Variants in EPS15 observed in about 807,000 individuals in gnomAD.
EPS15 encodes the protein epidermal growth factor receptor pathway substrate 15.
A neutral mutation model predicts 113.8 loss-of-function variants in EPS15; 72 were observed. That is an observed-to-expected ratio of 0.63 (90% CI 0.52 to 0.77). EPS15 has a LOEUF of 0.77. Among genes scored for constraint, EPS15 ranks in the 30% least tolerant of loss-of-function variants. The probability of loss-of-function intolerance (pLI) is 0.00; values close to 1 mark genes in which losing one functional copy is unlikely to be tolerated. For synonymous variants in EPS15, 344 were observed against 363.4 expected, an observed-to-expected ratio of 0.95 and a Z score of 0.61; for missense variants, 1,048 against 1,045.8, an observed-to-expected ratio of 1.00 and a Z score of -0.03.
intron 1 of EPS15, among the ~76,000 whole-genome samples, chr1:51,487,852 C>T (rs142995448): frequency 1.3e-5 from 2 of 152,236 alleles, no homozygotes; most frequent in African/African-American, 4.8e-5. Context: ...AGTCACTCAT[C>T]AAGCAAGATG....
At chr1:51,385,129 C>T (rs6694227) in intron 21 of EPS15, among the ~76,000 whole-genome samples, 4,577 of 152,136 alleles carry the variant, frequency 0.03, 74 homozygotes, top group African/African-American at 0.05. Context: ...ACGGACAGTA[C>T]TAACAGAATG....
chr1:51,398,918 T>C, intron 20 of EPS15, 114 bp downstream of exon 20: 3 of 890,538 alleles, frequency 3.4e-6, no homozygotes, highest in Non-Finnish European at 5.0e-6. Context: ...AATTCTTATA[T>C]GGTCCATTAG....
rs147830031 is a variant in EPS15 at position 51,449,513 on chromosome 1, A to G, written c.562-1378T>C. ...AATGACAAAATAATCTGCACACCAA[A>G]CCCCGTGACATGCAATTTACCTATA... On this transcript the variant is annotated intron_variant, in intron 8 of 24. Transcript: ENST00000371733. Among the ~76,000 whole-genome samples the G allele has an allele frequency of 7.2e-3, 1,069 of 149,332 alleles. 29 individuals are homozygous for G. The highest frequency in any genetic ancestry group is 0.026 in the African/African-American group (1,026 of 38,836).
chr1:51,518,736 G>C (rs923813339), intron 1 of EPS15, among the ~76,000 whole-genome samples: 1 of 152,058 alleles, frequency 6.6e-6, no homozygotes, highest in Non-Finnish European at 1.5e-5. Flanking sequence ...AACTCCTACT[G>C]GGGGCGGCGC....
chr1:51,363,639 G>C (rs1570082701), intron 23 of EPS15, among the ~76,000 whole-genome samples: 1 of 152,156 alleles, frequency 6.6e-6, no homozygotes, highest in East Asian at 1.9e-4. Flanking sequence ...AAAAAGAAAA[G>C]AAAAAAGGTC....
At chr1:51,387,280 G>C (rs1312068204) in intron 21 of EPS15, among the ~76,000 whole-genome samples, 3 of 151,960 alleles carry the variant, frequency 2.0e-5, no homozygotes, top group African/African-American at 7.3e-5. Context: ...GAGAGATTTT[G>C]TCACCACCAG....
At chr1:51,430,616 TAA>T (rs2148461654) in intron 12 of EPS15, among the ~76,000 whole-genome samples, 1 of 151,818 alleles carries the variant, frequency 6.6e-6, no homozygotes, top group Non-Finnish European at 1.5e-5. Context: ...AAGCTTAGGT[TAA>T]AGTTTGAGAA....
intron 1 of EPS15, among the ~76,000 whole-genome samples, chr1:51,484,565 C>A (rs1396472206): frequency 3.3e-5 from 5 of 152,100 alleles, no homozygotes; most frequent in Non-Finnish European, 7.4e-5. Flanking sequence ...AGTGCTTTCA[C>A]CACATAAACA....
At chr1:51,438,516 G>A (rs747828963) in intron 12 of EPS15, among the ~76,000 whole-genome samples, 3 of 152,082 alleles carry the variant, frequency 2.0e-5, no homozygotes, top group Non-Finnish European at 4.4e-5. Context: ...CATTAAACAA[G>A]TACACTTGAA....
intron 11 of EPS15, among the ~76,000 whole-genome samples, chr1:51,444,315 C>T (rs1652837909): frequency 6.6e-6 from 1 of 152,188 alleles, no homozygotes; most frequent in South Asian, 2.1e-4. Context: ...AAAATTCTCA[C>T]TGCTGTCCAG....
In EPS15 at chr1:51,430,984, A is replaced by G. The variant is rs1570288549; in HGVS notation, c.1041-9126T>C. ...AAAAATACATTACTTACATACACAC[A>G]CACACACACACACACACACACACAC... On this transcript the variant is annotated intron_variant, in intron 12 of 24. Transcript: ENST00000371733. Among the ~76,000 whole-genome samples, 5 of 87,378 alleles carry G rather than the reference A, an allele frequency of 5.7e-5. No homozygotes were observed. The South Asian group carries it at 1.5e-3, about 26-fold the overall frequency. 57.3% of individuals were successfully genotyped at this position (87,378 alleles called of 152,430 possible).
chr1:51,434,080 C>T (rs988133481), intron 12 of EPS15, among the ~76,000 whole-genome samples: 2 of 152,278 alleles, frequency 1.3e-5, no homozygotes, highest in East Asian at 3.9e-4. Context: ...CACAGATATA[C>T]ATGTTCTTTT....
intron 14 of EPS15, among the ~76,000 whole-genome samples, chr1:51,408,538 T>C (rs1233572743): frequency 6.6e-6 from 1 of 151,372 alleles, no homozygotes; most frequent in Non-Finnish European, 1.5e-5. Flanking sequence ...TGGGCTCAAG[T>C]GATCCTCCTG....
At chr1:51,518,453 C>G (rs1023595333) in intron 1 of EPS15, 2 of 152,620 alleles carry the variant, frequency 1.3e-5, no homozygotes, top group Admixed American at 1.3e-4. Context: ...AGGCGTGAGC[C>G]CCCCGAGGGG....
chr1:51,455,838 C>CATAT (rs1301795102), intron 8 of EPS15, among the ~76,000 whole-genome samples: 3 of 151,866 alleles, frequency 2.0e-5, no homozygotes, highest in Non-Finnish European at 4.4e-5. Flanking sequence ...TATGTACATA[C>CATAT]ATATATACAT....
chr1:51,428,639 C>T (rs1651426230), intron 12 of EPS15, among the ~76,000 whole-genome samples: 1 of 151,772 alleles, frequency 6.6e-6, no homozygotes, highest in Non-Finnish European at 1.5e-5. Flanking sequence ...CCAGCCTGGC[C>T]AACACAGTGA....
intron 8 of EPS15, among the ~76,000 whole-genome samples, chr1:51,455,591 A>T (rs1291522786): frequency 6.6e-6 from 1 of 152,102 alleles, no homozygotes; most frequent in Admixed American, 6.6e-5. Context: ...AAAAAAAAAG[A>T]AAAGAAAGAA....
chr1:51,448,264 G>A (rs1178931762), intron 8 of EPS15, 129 bp from the exon 9 acceptor site: 7 of 469,220 alleles, frequency 1.5e-5, no homozygotes, highest in South Asian at 1.1e-4. Flanking sequence ...GGGCTGGGAG[G>A]GAAAGAAGAG....
chr1:51,505,389 TAA>T (rs1465206526), intron 1 of EPS15, among the ~76,000 whole-genome samples: 2 of 152,208 alleles, frequency 1.3e-5, no homozygotes, highest in Non-Finnish European at 2.9e-5. Flanking sequence ...GCAACATAGA[TAA>T]ACCACAAAAA....
Sources: gnomAD v4.1 joint callset for allele counts (sites outside exome capture counted in the v4.1 genomes callset) on GRCh38, gnomAD v4.1.1 for gene constraint, MANE v1.5 for transcripts, NCBI Gene and HGNC (gene_info 2026-07-23, HGNC 2026-07-21) for gene names.